The following OPCML variants were observed in gnomAD, a reference collection of about 807,000 sequenced individuals.
OPCML encodes opioid-binding protein/cell adhesion molecule.
OPCML carries 13 observed loss-of-function variants against 37.8 expected under a neutral mutation model. The ratio of observed to expected loss-of-function variants is 0.34; its 90% CI spans 0.22 to 0.55. OPCML has a LOEUF of 0.55. Ranked by LOEUF, OPCML falls within the 20% of genes least tolerant of loss-of-function variation. OPCML has a pLI of 0.91. For synonymous variants in OPCML, 176 were observed against 168.8 expected (o/e 1.04, Z -0.33); for missense variants, 341 against 435.6 (o/e 0.78, Z 1.93).
chr11:133,407,571 G>A (rs1227224638), intron 1 of OPCML, among the ~76,000 whole-genome samples: 1 of 152,072 alleles, frequency 6.6e-6, no homozygotes, highest in Non-Finnish European at 1.5e-5. Flanking sequence ...ATTCACAGCT[G>A]GTGAGCTCCC....
At chr11:132,565,501 T>C (rs1246533219) in intron 3 of OPCML, among the ~76,000 whole-genome samples, 1 of 152,112 alleles carries the variant, frequency 6.6e-6, no homozygotes, top group Non-Finnish European at 1.5e-5. Flanking sequence ...GATTCCTACC[T>C]CAGCGGCTCT....
At chr11:133,492,352 G>A (rs1004644435) in intron 1 of OPCML, among the ~76,000 whole-genome samples, 2 of 151,972 alleles carry the variant, frequency 1.3e-5, no homozygotes, top group African/African-American at 4.8e-5. Flanking sequence ...TTTTCTTTTA[G>A]TACTTAATCC....
chr11:132,977,683 A>G (rs982356683), intron 1 of OPCML, among the ~76,000 whole-genome samples: 9 of 152,230 alleles, frequency 5.9e-5, no homozygotes, highest in South Asian at 4.1e-4. Flanking sequence ...ACAGAATTAT[A>G]TAGAGTGCAT....
At chr11:133,251,518 C>T (rs910439092) in intron 1 of OPCML, among the ~76,000 whole-genome samples, 7 of 151,928 alleles carry the variant, frequency 4.6e-5, no homozygotes. Flanking sequence ...TTTTCCTTTA[C>T]CCCCTTCAAG....
chr11:132,941,219 G>A (rs556399207), intron 2 of OPCML, among the ~76,000 whole-genome samples: 3 of 152,312 alleles, frequency 2.0e-5, no homozygotes, highest in Admixed American at 1.3e-4. Context: ...AAAATTGGTA[G>A]ATGGAAGCTG....
chr11:133,093,007 A>C (rs2137055519), intron 1 of OPCML, among the ~76,000 whole-genome samples: 1 of 152,284 alleles, frequency 6.6e-6, no homozygotes, highest in South Asian at 2.1e-4. Context: ...GGCACTTTGA[A>C]TTAGAGTCTG....
intron 1 of OPCML, chr11:133,421,783 AT>A: frequency 2.0e-6 from 2 of 985,356 alleles, no homozygotes; most frequent in Non-Finnish European, 2.4e-6. Context: ...CTGGATATCA[AT>A]TGCTTTCGAG....
intron 5 of OPCML, 43 bp from the exon 6 acceptor site, chr11:132,436,822 C>A: frequency 1.3e-6 from 2 of 1,597,292 alleles, no homozygotes; most frequent in South Asian, 2.2e-5. Context: ...CATGCACGCA[C>A]GCACACACAG....
intron 1 of OPCML, among the ~76,000 whole-genome samples, chr11:132,992,361 C>T (rs1470337256): frequency 6.6e-6 from 1 of 151,998 alleles, no homozygotes; most frequent in Admixed American, 6.6e-5. Context: ...ATACTTATTG[C>T]AGAGAAGAAA....
chr11:133,197,460 A>G (rs1181271987), intron 1 of OPCML, among the ~76,000 whole-genome samples: 1 of 152,238 alleles, frequency 6.6e-6, no homozygotes, highest in East Asian at 1.9e-4. Context: ...ACGTGACAAT[A>G]GGAGAGCTGC....
chr11:133,438,065 G>C (rs1946281916), intron 1 of OPCML, among the ~76,000 whole-genome samples: 1 of 152,118 alleles, frequency 6.6e-6, no homozygotes, highest in Non-Finnish European at 1.5e-5. Context: ...AACACTAAAA[G>C]TTATAGTCAA....
At chr11:132,855,673 T>C (rs1942027193) in intron 2 of OPCML, among the ~76,000 whole-genome samples, 1 of 152,230 alleles carries the variant, frequency 6.6e-6, no homozygotes, top group African/African-American at 2.4e-5. Flanking sequence ...TTCAGATGTC[T>C]GCAGACTCAG....
At chr11:132,738,998 C>T (rs12417237) in intron 2 of OPCML, among the ~76,000 whole-genome samples, 5,913 of 152,236 alleles carry the variant, frequency 0.039, 156 homozygotes, top group Non-Finnish European at 0.062. Context: ...GCCTCCCACC[C>T]GCTAACCCCA....
intron 1 of OPCML, among the ~76,000 whole-genome samples, chr11:133,403,099 G>T (rs79440035): frequency 0.024 from 3,583 of 152,248 alleles, 145 homozygotes; most frequent in African/African-American, 0.081. Flanking sequence ...AGTGATTAAA[G>T]AGCTCTGGAA....
intron 1 of OPCML, among the ~76,000 whole-genome samples, chr11:133,342,789 G>A (rs750003009): frequency 2.0e-5 from 3 of 152,092 alleles, no homozygotes; most frequent in Non-Finnish European, 4.4e-5. Context: ...GGGACATAGA[G>A]GGAGCAAGAA....
chr11:133,361,661 G>T (rs1184901016), intron 1 of OPCML: 1 of 159,332 alleles, frequency 6.3e-6, no homozygotes, highest in African/African-American at 2.4e-5. Flanking sequence ...CGGGGCGCCT[G>T]CAGCTACTCC....
intron 1 of OPCML, among the ~76,000 whole-genome samples, chr11:133,336,619 T>C (rs966481010): frequency 2.6e-5 from 4 of 152,184 alleles, no homozygotes. Flanking sequence ...CATTCAGTGT[T>C]AGTTTAAAAG....
intron 1 of OPCML, among the ~76,000 whole-genome samples, chr11:133,363,744 C>T (rs1177576375): frequency 4.6e-5 from 7 of 152,132 alleles, no homozygotes; most frequent in Non-Finnish European, 1.0e-4. Context: ...TGACCACGAC[C>T]CCCAAAGGTC....
intron 1 of OPCML, among the ~76,000 whole-genome samples, chr11:132,977,663 C>T (rs1025878011): frequency 2.0e-5 from 3 of 152,202 alleles, no homozygotes; most frequent in African/African-American, 7.2e-5. Flanking sequence ...TACCCAGCCA[C>T]AGCTGGCAGA....
Sources: allele counts gnomAD v4.1 joint callset (sites outside exome capture counted in the v4.1 genomes callset), GRCh38; gene constraint gnomAD v4.1.1; transcripts MANE v1.5; gene names NCBI Gene and HGNC (gene_info 2026-07-23, HGNC 2026-07-21).